The following ANKS6 variants were observed in gnomAD, a reference collection of about 807,000 sequenced individuals.
The protein encoded by ANKS6 is ankyrin repeat and SAM domain-containing protein 6.
Under a neutral mutation model 77.9 loss-of-function variants are expected in ANKS6, and 47 were observed. That is an observed-to-expected ratio of 0.60 (90% CI 0.48 to 0.77). ANKS6 has a LOEUF of 0.77. Among genes scored for constraint, ANKS6 ranks in the 30% least tolerant of loss-of-function variants. The pLI, the probability that ANKS6 is intolerant of heterozygous loss-of-function variation, is 0.00. For missense variants in ANKS6, 1,150 were observed against 1,159.1 expected, an observed-to-expected ratio of 0.99 and a Z score of 0.11; for synonymous variants, 488 against 501.7, an observed-to-expected ratio of 0.97 and a Z score of 0.37.
chr9:98,784,026 C>T lies in ANKS6; in HGVS notation c.1039G>A (p.Glu347Lys). The change falls in exon 4 of 15, where the codon GAG becomes AAG. Residue 347 changes from glutamate to lysine, a missense_variant. Transcript: ENST00000353234. ...TGCTTGTCAACATCCGCGTGCCTCT[C>T]CACCAGCAGCTGCACCAGAGCCAGC... ...GQLALVQLLVERHADVDKQDS... is the reference protein window; with the variant it reads ...GQLALVQLLVKRHADVDKQDS... The T allele has an allele frequency of 1.2e-6, 2 of 1,611,498 alleles. No homozygotes were observed. The highest frequency in any genetic ancestry group is 1.7e-6 in the Non-Finnish European group (2 of 1,179,342).
rs1831243716 is a variant in ANKS6, at chr9:98,732,301, G to C, written c.*4218C>G. The stretch of plus-strand genomic sequence containing the variant: ...ATGTCTTCAGGCAGCTCTGAGGCAA[G>C]AATAAAAGGGACGAGTTCCCTGCCC... On this transcript the variant is annotated 3_prime_UTR_variant, in exon 15 of 15. Coordinates refer to ENST00000353234, the MANE Select transcript of ANKS6 (RefSeq NM_173551.5). 3 of 656,914 alleles carry C rather than the reference G, an allele frequency of 4.6e-6. No homozygotes were observed. The highest frequency in any genetic ancestry group is 7.7e-6 in the Non-Finnish European group (3 of 391,142). 40.7% of individuals were successfully genotyped at this position (656,914 alleles called of 1,614,324 possible).
At chr9:98,741,472 C>T (rs1291209179) in intron 14 of ANKS6, among the ~76,000 whole-genome samples, 1 of 152,176 alleles carries the variant, frequency 6.6e-6, no homozygotes, top group Non-Finnish European at 1.5e-5. Context: ...GCAGAGTAAT[C>T]TGCCCAAAGG....
intron 5 of ANKS6, 102 bp downstream of exon 5, chr9:98,782,364 TA>T: frequency 9.5e-7 from 1 of 1,048,836 alleles, no homozygotes; most frequent in Non-Finnish European, 1.4e-6. Flanking sequence ...CCCCCACGAA[TA>T]AGCAAGTGCT....
intron 12 of ANKS6, among the ~76,000 whole-genome samples, chr9:98,752,103 A>G (rs1475355910): frequency 2.0e-5 from 3 of 152,126 alleles, no homozygotes; most frequent in African/African-American, 7.2e-5. Context: ...CAAACAAACA[A>G]ACAAACAAAC....
At chr9:98,790,672 C>T (rs1250580081) in intron 1 of ANKS6, 66 bp from the exon 2 acceptor site, 4 of 1,543,352 alleles carry the variant, frequency 2.6e-6, no homozygotes, top group Non-Finnish European at 3.5e-6. Context: ...TTATGTCATC[C>T]TTAATTGGCA....
At chr9:98,786,057 C>T (rs1200287417) in intron 2 of ANKS6, among the ~76,000 whole-genome samples, 1 of 152,202 alleles carries the variant, frequency 6.6e-6, no homozygotes, top group Non-Finnish European at 1.5e-5. Flanking sequence ...TGGCTCACTG[C>T]AACCTCTGCC....
At position 98,736,428 on chromosome 9, in the gene ANKS6, A is replaced by G; in HGVS notation, c.*91T>C. 1 of 1,470,578 alleles carries G rather than the reference A, an allele frequency of 6.8e-7. No individual in the cohort carries two copies. The highest frequency in any genetic ancestry group is 9.0e-7 in the Non-Finnish European group (1 of 1,110,872). 91.1% of individuals were successfully genotyped at this position (1,470,578 alleles called of 1,614,324 possible). A position where few individuals can be genotyped will look rare whatever the true frequency, so the allele number is the denominator to read the frequency against. On this transcript the variant is annotated 3_prime_UTR_variant, in exon 15 of 15. Transcript: ENST00000353234. ...AAAGGGAACAACATGACTAAGGCAC[A>G]GCAGTGTGACGGGGGCAGGGCTGGG...
chr9:98,752,960 G>T (rs1183780026), intron 12 of ANKS6, among the ~76,000 whole-genome samples: 3 of 152,114 alleles, frequency 2.0e-5, no homozygotes, highest in African/African-American at 7.2e-5. Context: ...ATAATCTGTT[G>T]TATTTCATGA....
rs549472791 is a variant in ANKS6 at position 98,782,531 on chromosome 9, A to T, written c.1155T>A (p.Asp385Glu). ...ATCCATTTTTTGCACGAAGAGTGAC[A>T]TCGGCCCCTTGGTTTAGCAGATATT... ...IVKYLLNQGADVTLRAKNGYT... is the reference protein window; with the variant it reads ...IVKYLLNQGAEVTLRAKNGYT... Residue 385 changes from aspartate to glutamate, a missense_variant, in exon 5 of 15, where the codon GAT (aspartate) becomes GAA (glutamate). By Grantham distance (45) the Asp-to-Glu change is conservative. Coordinates refer to ENST00000353234, the MANE Select transcript of ANKS6 (RefSeq NM_173551.5). 1.2e-6 allele frequency: 2 copies of T among 1,614,192 alleles called. No homozygotes were observed. Among genetic ancestry groups the T allele is most frequent in the Non-Finnish European group, 1.7e-6 (2 of 1,180,014 alleles).
chr9:98,749,738 A>G (rs1454765152), intron 13 of ANKS6, among the ~76,000 whole-genome samples: 1 of 152,222 alleles, frequency 6.6e-6, no homozygotes, highest in African/African-American at 2.4e-5. Context: ...CCAAGGAGGC[A>G]GGAATGGCAG....
chr9:98,756,908 A>C (rs1832740702), intron 11 of ANKS6, among the ~76,000 whole-genome samples: 1 of 125,294 alleles, frequency 8.0e-6, no homozygotes, highest in Admixed American at 9.5e-5. Context: ...AGCTACTTGC[A>C]TTGTGGCTTT....
At position 98,790,604 on chromosome 9, in the gene ANKS6, A is replaced by C. The variant is rs1478685052; in HGVS notation, c.362T>G (p.Phe121Cys). 9 of 1,595,488 alleles carry C rather than the reference A, an allele frequency of 5.6e-6. No homozygotes were observed. Among genetic ancestry groups the C allele is most frequent in the Admixed American group, 3.4e-5 (2 of 59,698 alleles). The change falls in exon 2 of 15, where the codon TTT (phenylalanine) becomes TGT (cysteine). Residue 121 changes from phenylalanine (F) to cysteine (C), a missense_variant and splice_region_variant. By Grantham distance (205) the Phe-to-Cys change is radical. Coordinates refer to ENST00000353234, the MANE Select transcript of ANKS6 (RefSeq NM_173551.5). ...GAGGTGTGCCACACTCACATGCCCA[A>C]ATCTGCCAGGAAGATGGAGAATTAG... is the stretch of plus-strand genomic sequence containing the variant. Reference protein sequence around the residue: ...GWSALMQAARFGHVSVAHLLL... With the variant: ...GWSALMQAARCGHVSVAHLLL...
chr9:98,748,527 G>T (rs1588333937), intron 13 of ANKS6, among the ~76,000 whole-genome samples: 2 of 152,172 alleles, frequency 1.3e-5, no homozygotes, highest in South Asian at 4.1e-4. Context: ...ATATAATAAA[G>T]ACTGTGTGGG....
At chr9:98,763,630 G>C (rs1023868757) in intron 11 of ANKS6, among the ~76,000 whole-genome samples, 1 of 151,934 alleles carries the variant, frequency 6.6e-6, no homozygotes, top group Admixed American at 6.5e-5. Context: ...TTATAGATAA[G>C]AGCAGAAATC....
chr9:98,738,318 A>G (rs1172039471), intron 14 of ANKS6, among the ~76,000 whole-genome samples: 1 of 152,186 alleles, frequency 6.6e-6, no homozygotes, highest in Non-Finnish European at 1.5e-5. Context: ...GGGAAAAAAA[A>G]TCTTCACAAT....
intron 14 of ANKS6, among the ~76,000 whole-genome samples, chr9:98,743,840 CTCT>C (rs1314875163): frequency 1.3e-4 from 20 of 152,206 alleles, no homozygotes; most frequent in African/African-American, 4.3e-4. Context: ...GACATAAAGG[CTCT>C]TCTTCATGAA....
intron 14 of ANKS6, among the ~76,000 whole-genome samples, chr9:98,738,150 A>G (rs552421008): frequency 6.6e-5 from 10 of 152,372 alleles, no homozygotes; most frequent in Middle Eastern, 3.4e-3. Flanking sequence ...TAACATTGGA[A>G]AAACCCTTCT....
At chr9:98,755,301 C>G (rs187784326) in intron 12 of ANKS6, among the ~76,000 whole-genome samples, 1 of 152,332 alleles carries the variant, frequency 6.6e-6, no homozygotes, top group African/African-American at 2.4e-5. Flanking sequence ...AGATTTTCCT[C>G]CCTGCTGACT....
chr9:98,760,108 G>A (rs900712945), intron 11 of ANKS6, among the ~76,000 whole-genome samples: 1 of 152,008 alleles, frequency 6.6e-6, no homozygotes, highest in Non-Finnish European at 1.5e-5. Flanking sequence ...CAATTATTAT[G>A]TGTCAATGAA....
Sources: gnomAD v4.1 joint callset for allele counts (sites outside exome capture counted in the v4.1 genomes callset) on GRCh38, gnomAD v4.1.1 for gene constraint, MANE v1.5 for transcripts, NCBI Gene and HGNC (gene_info 2026-07-23, HGNC 2026-07-21) for gene names.